The following PTPRT variants were observed in gnomAD, a reference collection of about 807,000 sequenced individuals.
The protein encoded by PTPRT is receptor-type tyrosine-protein phosphatase T.
In PTPRT, 56 loss-of-function variants were observed where a neutral mutation model predicts 176.8. The observed-to-expected ratio is 0.32, with a 90% CI of 0.26 to 0.40. The LOEUF is 0.40. Ranked by LOEUF, PTPRT falls within the 10% of genes least tolerant of loss-of-function variation. PTPRT has a pLI of 1.00. For synonymous variants in PTPRT, 783 were observed against 739.0 expected (o/e 1.06, Z -0.96); for missense variants, 1,540 against 1,908.2 (o/e 0.81, Z 3.60).
At chr20:43,136,877 C>T (rs115253643) in intron 1 of PTPRT, among the ~76,000 whole-genome samples, 1,615 of 152,292 alleles carry the variant, frequency 0.011, 30 homozygotes, top group African/African-American at 0.036. Context: ...CCCACAAAGG[C>T]TCCCGAGTTT....
intron 7 of PTPRT, among the ~76,000 whole-genome samples, chr20:42,614,067 A>G (rs2074021499): frequency 6.6e-6 from 1 of 152,072 alleles, no homozygotes; most frequent in Non-Finnish European, 1.5e-5. Flanking sequence ...AGGTGTCAGC[A>G]GGGTGGATTC....
At chr20:42,513,188 T>A (rs2071989781) in intron 7 of PTPRT, among the ~76,000 whole-genome samples, 2 of 145,806 alleles carry the variant, frequency 1.4e-5, no homozygotes, top group African/African-American at 5.2e-5. Context: ...TTTCATATGT[T>A]CTCTATTGAT....
chr20:42,876,638 G>A (rs1043127488), intron 2 of PTPRT, among the ~76,000 whole-genome samples: 5 of 152,152 alleles, frequency 3.3e-5, no homozygotes, highest in African/African-American at 4.8e-5. Context: ...CAGGTGCCAC[G>A]AAAATGCCAA....
At chr20:42,294,024 G>A (rs537557817) in intron 12 of PTPRT, among the ~76,000 whole-genome samples, 1 of 152,260 alleles carries the variant, frequency 6.6e-6, no homozygotes, top group South Asian at 2.1e-4. Flanking sequence ...GTATAGAGAA[G>A]TCTTAAAATG....
chr20:42,504,553 A>G (rs775605520), intron 7 of PTPRT, among the ~76,000 whole-genome samples: 8 of 152,150 alleles, frequency 5.3e-5, no homozygotes, highest in Non-Finnish European at 1.0e-4. Flanking sequence ...GATATTAATA[A>G]TGTTTCATCA....
intron 8 of PTPRT, among the ~76,000 whole-genome samples, chr20:42,461,049 C>T (rs988018316): frequency 2.6e-5 from 4 of 152,162 alleles, no homozygotes; most frequent in East Asian, 1.9e-4. Flanking sequence ...ATAAATAGGC[C>T]GGGCATGGTG....
chr20:42,778,889 T>C (rs2077175402), intron 4 of PTPRT, among the ~76,000 whole-genome samples: 1 of 152,150 alleles, frequency 6.6e-6, no homozygotes, highest in African/African-American at 2.4e-5. Context: ...ATCTGAGAAA[T>C]TCTAAAAGCC....
intron 2 of PTPRT, among the ~76,000 whole-genome samples, chr20:42,884,804 A>G (rs1029849694): frequency 1.6e-4 from 25 of 152,200 alleles, no homozygotes; most frequent in Admixed American, 1.4e-3. Context: ...TTCTCCAACA[A>G]GCAGTTGTCT....
chr20:42,990,343 T>C (rs1600627809), intron 1 of PTPRT, among the ~76,000 whole-genome samples: 1 of 152,040 alleles, frequency 6.6e-6, no homozygotes, highest in Non-Finnish European at 1.5e-5. Flanking sequence ...TTTGTTCAGC[T>C]TTTTTTTAAT....
At chr20:43,003,010 A>C (rs892278752) in intron 1 of PTPRT, among the ~76,000 whole-genome samples, 1 of 152,166 alleles carries the variant, frequency 6.6e-6, no homozygotes, top group African/African-American at 2.4e-5. Flanking sequence ...AGCATAAACC[A>C]AAGTAGAAAT....
At chr20:42,638,374 G>A (rs1186333490) in intron 7 of PTPRT, among the ~76,000 whole-genome samples, 2 of 152,030 alleles carry the variant, frequency 1.3e-5, no homozygotes, top group Non-Finnish European at 2.9e-5. Context: ...TAAAACAGGT[G>A]GACATGGGGA....
At chr20:42,093,114 G>T (rs1984809774) in intron 27 of PTPRT, among the ~76,000 whole-genome samples, 1 of 152,186 alleles carries the variant, frequency 6.6e-6, no homozygotes, top group South Asian at 2.1e-4. Context: ...CCCACCCTTT[G>T]GCTGGCATGC....
intron 1 of PTPRT, among the ~76,000 whole-genome samples, chr20:43,046,994 C>G (rs2425566): frequency 0.32 from 49,412 of 152,076 alleles, 11,173 homozygotes; most frequent in African/African-American, 0.64. Context: ...TATTCAGCAT[C>G]TCTTGGACTG....
At chr20:42,244,482 A>G (rs532643240) in intron 14 of PTPRT, among the ~76,000 whole-genome samples, 1 of 152,312 alleles carries the variant, frequency 6.6e-6, no homozygotes, top group Admixed American at 6.5e-5. Flanking sequence ...GATGGTACCA[A>G]CTTTGAATAT....
intron 1 of PTPRT, among the ~76,000 whole-genome samples, chr20:43,129,680 G>A (rs1004084146): frequency 7.0e-6 from 1 of 143,324 alleles, no homozygotes; most frequent in African/African-American, 2.6e-5. Flanking sequence ...GTGCAGTGGC[G>A]GGATCTCGGC....
chr20:42,321,503 C>T (rs896016125), intron 11 of PTPRT, among the ~76,000 whole-genome samples: 1 of 152,184 alleles, frequency 6.6e-6, no homozygotes, highest in African/African-American at 2.4e-5. Context: ...CTCCAGTATT[C>T]TCACTCCCTT....
At chr20:42,083,136 A>AGAAAAAG (rs1983520774) in intron 29 of PTPRT, among the ~76,000 whole-genome samples, 1 of 130,158 alleles carries the variant, frequency 7.7e-6, no homozygotes. Flanking sequence ...AAAAAAAAAA[A>AGAAAAAG]GCAGGCTAAA....
intron 18 of PTPRT, among the ~76,000 whole-genome samples, chr20:42,136,500 A>C (rs984970400): frequency 2.0e-5 from 3 of 151,864 alleles, no homozygotes; most frequent in Admixed American, 6.6e-5. Context: ...CATTCTGTGT[A>C]CCTCCTTGTC....
In PTPRT at chr20:42,690,572, C is replaced by A. The variant is rs114329890; in HGVS notation, c.860-12413G>T. Among the ~76,000 whole-genome samples, 611 of 152,296 alleles carry A rather than the reference C, an allele frequency of 4.0e-3. 7 individuals are homozygous for A. The Middle Eastern group carries it at 0.044, about 11-fold the overall frequency. On this transcript the variant is annotated intron_variant, in intron 6 of 30. Transcript: ENST00000373187. ...TGGGTGAGTCTCCCCTTGACCTCCA[C>A]AATGCCTGCGCAGCCCACATAAGTG...
Sources: allele counts gnomAD v4.1 joint callset (sites outside exome capture counted in the v4.1 genomes callset), GRCh38; gene constraint gnomAD v4.1.1; transcripts MANE v1.5; gene names NCBI Gene and HGNC (gene_info 2026-07-23, HGNC 2026-07-21).